The following MIR2052HG variants were observed in gnomAD, a reference collection of about 807,000 sequenced individuals.
MIR2052HG encodes the protein MIR2052 host gene.
chr8:74,748,117 G>C (rs910915480), intron 4 of MIR2052HG, among the ~76,000 whole-genome samples: 1 of 152,138 alleles, frequency 6.6e-6, no homozygotes, highest in Admixed American at 6.6e-5. Context: ...AAGAAAGTTA[G>C]TGTTCAGAGG....
chr8:74,739,734 T>C (rs1254077203), intron 4 of MIR2052HG, among the ~76,000 whole-genome samples: 3 of 152,202 alleles, frequency 2.0e-5, no homozygotes, highest in Admixed American at 6.5e-5. Flanking sequence ...AACTATATTT[T>C]CAGATAGTTG....
chr8:74,661,334 C>T (rs942781422), intron 2 of MIR2052HG, among the ~76,000 whole-genome samples: 2 of 151,858 alleles, frequency 1.3e-5, no homozygotes, highest in Non-Finnish European at 2.9e-5. Context: ...TCCCGAGTAG[C>T]TGGGATTAGA....
chr8:74,683,013 A>G (rs1809142029), intron 2 of MIR2052HG, among the ~76,000 whole-genome samples: 1 of 152,168 alleles, frequency 6.6e-6, no homozygotes, highest in South Asian at 2.1e-4. Context: ...TATCACTTTT[A>G]TAAAGTTCAA....
At chr8:74,639,735 C>T (rs182260855) in intron 2 of MIR2052HG, among the ~76,000 whole-genome samples, 3 of 152,158 alleles carry the variant, frequency 2.0e-5, no homozygotes, top group African/African-American at 7.2e-5. Context: ...TCCTATTGGA[C>T]ATTTTAGTAT....
chr8:74,696,441 C>T (rs1384924453), intron 2 of MIR2052HG, among the ~76,000 whole-genome samples: 2 of 151,808 alleles, frequency 1.3e-5, no homozygotes, highest in African/African-American at 4.8e-5. Flanking sequence ...AACTAAAACC[C>T]AAACCCAGCA....
At chr8:74,612,711 A>C in intron 1 of MIR2052HG, 1 of 334,390 alleles carries the variant, frequency 3.0e-6, no homozygotes, top group South Asian at 2.4e-5. Flanking sequence ...AGTTTTATTA[A>C]GTCTTAAAAG....
chr8:74,664,348 T>G (rs1207224294), intron 2 of MIR2052HG, among the ~76,000 whole-genome samples: 1 of 152,026 alleles, frequency 6.6e-6, no homozygotes, highest in Non-Finnish European at 1.5e-5. Flanking sequence ...CATTTGAGGA[T>G]TTAGTAATAG....
chr8:74,663,638 C>T (rs1808890262), intron 2 of MIR2052HG, among the ~76,000 whole-genome samples: 1 of 152,226 alleles, frequency 6.6e-6, no homozygotes, highest in South Asian at 2.1e-4. Context: ...TCCTAACTCT[C>T]ATGAAGTAAA....
At chr8:74,659,026 T>G (rs1259967905) in intron 2 of MIR2052HG, among the ~76,000 whole-genome samples, 1 of 152,246 alleles carries the variant, frequency 6.6e-6, no homozygotes, top group Non-Finnish European at 1.5e-5. Flanking sequence ...AAGAGATTTA[T>G]CTAACAAAAT....
chr8:74,680,642 G>A (rs1809112791), intron 2 of MIR2052HG, among the ~76,000 whole-genome samples: 1 of 152,154 alleles, frequency 6.6e-6, no homozygotes, highest in African/African-American at 2.4e-5. Flanking sequence ...AACCATTGTG[G>A]AAGTCAGTGT....
At chr8:74,632,811 C>T (rs1241957410) in intron 2 of MIR2052HG, among the ~76,000 whole-genome samples, 3 of 152,048 alleles carry the variant, frequency 2.0e-5, no homozygotes, top group Non-Finnish European at 4.4e-5. Context: ...AACTTCTTAT[C>T]TTGGCATAAT....
chr8:74,703,272 G>T (rs754117917), intron 3 of MIR2052HG, among the ~76,000 whole-genome samples: 15 of 151,982 alleles, frequency 9.9e-5, no homozygotes, highest in Non-Finnish European at 2.2e-4. Flanking sequence ...CAGTTCACAG[G>T]ATCAGAGCTC....
intron 4 of MIR2052HG, among the ~76,000 whole-genome samples, chr8:74,717,766 C>T (rs578078214): frequency 1.0e-3 from 154 of 151,502 alleles, no homozygotes; most frequent in Middle Eastern, 6.8e-3. Context: ...TACAATCACA[C>T]CACTGCACTC....
chr8:74,707,414 T>C (rs1809422305), intron 4 of MIR2052HG, among the ~76,000 whole-genome samples: 1 of 152,114 alleles, frequency 6.6e-6, no homozygotes, highest in Non-Finnish European at 1.5e-5. Flanking sequence ...ATCGATATGG[T>C]AGAGTCTGAA....
intron 4 of MIR2052HG, among the ~76,000 whole-genome samples, chr8:74,707,237 T>G (rs1809420308): frequency 6.6e-6 from 1 of 152,102 alleles, no homozygotes; most frequent in Non-Finnish European, 1.5e-5. Context: ...ATTGAGTGTT[T>G]GAGGTTGGAA....
At chr8:74,652,780 T>A in intron 2 of MIR2052HG, among the ~76,000 whole-genome samples, 1 of 152,104 alleles carries the variant, frequency 6.6e-6, no homozygotes, top group South Asian at 2.1e-4. Context: ...CCAGTAGAGA[T>A]CAGAATTTTA....
intron 2 of MIR2052HG, among the ~76,000 whole-genome samples, chr8:74,623,035 T>G (rs576442319): frequency 5.5e-4 from 84 of 152,262 alleles, no homozygotes; most frequent in African/African-American, 2.0e-3. Flanking sequence ...AACACAAATT[T>G]CAGTAAGACA....
At chr8:74,677,039 C>T (rs1363802556) in intron 2 of MIR2052HG, among the ~76,000 whole-genome samples, 8 of 151,980 alleles carry the variant, frequency 5.3e-5, no homozygotes, top group African/African-American at 1.9e-4. Context: ...GTAAAAAGAA[C>T]TTGTGTAACT....
intron 4 of MIR2052HG, among the ~76,000 whole-genome samples, chr8:74,730,655 G>A (rs912977545): frequency 6.6e-6 from 1 of 152,126 alleles, no homozygotes; most frequent in Non-Finnish European, 1.5e-5. Flanking sequence ...TAACTGTTTT[G>A]GAAGGCAACT....
Sources: gnomAD v4.1 joint callset for allele counts (sites outside exome capture counted in the v4.1 genomes callset) on GRCh38, gnomAD v4.1.1 for gene constraint, MANE v1.5 for transcripts, NCBI Gene and HGNC (gene_info 2026-07-23, HGNC 2026-07-21) for gene names.